WARS2: variants seen among roughly 807,000 people sequenced by gnomAD.
The protein encoded by WARS2 is tryptophanyl tRNA synthetase 2, mitochondrial.
Under a neutral mutation model 36.5 loss-of-function variants are expected in WARS2, and 28 were observed. The observed-to-expected ratio is 0.77, with a 90% CI of 0.57 to 1.05. WARS2 has a LOEUF of 1.05. Among genes scored for constraint, WARS2 ranks in the 50% least tolerant of loss-of-function variants. WARS2 has a pLI of 0.00. For missense variants in WARS2, 435 were observed against 456.8 expected, an observed-to-expected ratio of 0.95 and a Z score of 0.44; for synonymous variants, 174 against 178.4, an observed-to-expected ratio of 0.98 and a Z score of 0.20.
At position 119,092,655 on chromosome 1, in the gene WARS2, C is replaced by T. The variant is rs587600045; in HGVS notation, c.91-16048G>A. On this transcript the variant is annotated intron_variant, in intron 1 of 5. Transcript: ENST00000235521. ...CCAGATTCTGTTGGTTCAAATCCTG[C>T]CTCCTCCAATTACTAGCTATGTGAT... 2.4e-3 allele frequency among the ~76,000 whole-genome samples: 361 copies of T among 152,266 alleles called. 2 individuals are homozygous for T. Among genetic ancestry groups the T allele is most frequent in the African/African-American group, 8.4e-3 (350 of 41,552 alleles).
chr1:119,093,592 C>T (rs2101418979), intron 1 of WARS2, among the ~76,000 whole-genome samples: 1 of 151,870 alleles, frequency 6.6e-6, no homozygotes, highest in East Asian at 1.9e-4. Context: ...TCAAGAAAAT[C>T]CCAAGGATTG....
chr1:119,033,502 A>C (rs1647622609), intron 5 of WARS2, 143 bp from the exon 6 acceptor site: 1 of 1,005,554 alleles, frequency 9.9e-7, no homozygotes, highest in African/African-American at 1.6e-5. Flanking sequence ...TGTGATATCC[A>C]TTCAGTAGAA....
At chr1:119,065,434 C>A (rs1411508612) in intron 2 of WARS2, among the ~76,000 whole-genome samples, 1 of 151,810 alleles carries the variant, frequency 6.6e-6, no homozygotes, top group African/African-American at 2.4e-5. Flanking sequence ...GAGTTTGAGA[C>A]TAGCCTGGCC....
chr1:119,132,786 C>T (rs1330889221), intron 1 of WARS2, among the ~76,000 whole-genome samples: 1 of 152,004 alleles, frequency 6.6e-6, no homozygotes, highest in Non-Finnish European at 1.5e-5. Flanking sequence ...ATTTTAAAGC[C>T]TCATCACCAT....
At chr1:119,100,409 T>G (rs1653772481) in intron 1 of WARS2, among the ~76,000 whole-genome samples, 1 of 152,086 alleles carries the variant, frequency 6.6e-6, no homozygotes, top group African/African-American at 2.4e-5. Flanking sequence ...AAAAATAGAA[T>G]TACCATTTGA....
At chr1:119,034,245 C>G in intron 4 of WARS2, 32 bp from the exon 5 acceptor site, 1 of 1,559,278 alleles carries the variant, frequency 6.4e-7, no homozygotes, top group Non-Finnish European at 8.8e-7. Flanking sequence ...AAAACAACAG[C>G]AAGGCTCTTT....
chr1:119,131,270 G>A (rs946255592), intron 1 of WARS2, among the ~76,000 whole-genome samples: 1 of 152,058 alleles, frequency 6.6e-6, no homozygotes, highest in Admixed American at 6.5e-5. Flanking sequence ...TTTAAAGAAT[G>A]ATAGAGTACA....
chr1:119,079,678 T>C (rs1281494977), intron 1 of WARS2, among the ~76,000 whole-genome samples: 1 of 152,168 alleles, frequency 6.6e-6, no homozygotes, highest in East Asian at 1.9e-4. Context: ...CCCCAAGTAT[T>C]CCAAATCCTA....
chr1:119,097,522 T>G (rs1216710252), intron 1 of WARS2, among the ~76,000 whole-genome samples: 1 of 152,176 alleles, frequency 6.6e-6, no homozygotes, highest in Non-Finnish European at 1.5e-5. Flanking sequence ...CCTAACAAAT[T>G]TCAATATATC....
At chr1:119,070,263 T>C (rs1001234488) in intron 2 of WARS2, among the ~76,000 whole-genome samples, 1 of 151,914 alleles carries the variant, frequency 6.6e-6, no homozygotes, top group Non-Finnish European at 1.5e-5. Context: ...ACCTAACACA[T>C]TGTGTTTTTC....
At chr1:119,091,970 C>T (rs751600055) in intron 1 of WARS2, among the ~76,000 whole-genome samples, 12 of 152,168 alleles carry the variant, frequency 7.9e-5, no homozygotes, top group Admixed American at 2.6e-4. Flanking sequence ...AATTCACAGG[C>T]ATTTCTTTAT....
At chr1:119,128,438 C>G (rs759835900) in intron 1 of WARS2, among the ~76,000 whole-genome samples, 1 of 115,236 alleles carries the variant, frequency 8.7e-6, no homozygotes, top group Non-Finnish European at 1.9e-5. Flanking sequence ...TCTACACCCT[C>G]GGAATCCTTA....
rs185846875 is a variant in WARS2 at position 119,097,376 on chromosome 1, G to T, written c.91-20769C>A. 2.0e-5 allele frequency among the ~76,000 whole-genome samples: 3 copies of T among 152,184 alleles called. No individual in the cohort carries two copies. The East Asian group carries it at 5.8e-4, about 29-fold the overall frequency. On this transcript the variant is annotated intron_variant, in intron 1 of 5. Coordinates refer to ENST00000235521, the MANE Select transcript of WARS2 (RefSeq NM_015836.4). ...CCCACCGGCACTACTGGGTTAATAAGAATCAAGTCTACTTTTTCAGCCTTT... is the reference window on the plus strand; with the variant it reads ...CCCACCGGCACTACTGGGTTAATAATAATCAAGTCTACTTTTTCAGCCTTT...
rs1050933859 is a variant in WARS2, at chr1:119,032,255, T to G, written c.*656A>C. On this transcript the variant is annotated 3_prime_UTR_variant, in exon 6 of 6. Transcript: ENST00000235521. ...AATATAATTCAGGGACTTGGGCTCT[T>G]GTACAATAAATAAATCAGGTCAAAA... 2.8e-4 allele frequency: 42 copies of G among 152,302 alleles called. No individual in the cohort carries two copies. Among genetic ancestry groups the G allele is most frequent in the Middle Eastern group, 3.4e-3 (1 of 294 alleles). 9.4% of individuals were successfully genotyped at this position (152,302 alleles called of 1,614,324 possible).
At chr1:119,066,286 G>A (rs1345818728) in intron 2 of WARS2, among the ~76,000 whole-genome samples, 1 of 152,036 alleles carries the variant, frequency 6.6e-6, no homozygotes, top group Non-Finnish European at 1.5e-5. Flanking sequence ...GAACCATCCT[G>A]GCTAATACGG....
chr1:119,101,005 T>C (rs1653816785), intron 1 of WARS2, among the ~76,000 whole-genome samples: 2 of 152,056 alleles, frequency 1.3e-5, no homozygotes, highest in Non-Finnish European at 2.9e-5. Context: ...AGCTAAAATA[T>C]TTGATCATAT....
intron 1 of WARS2, chr1:119,127,150 G>C (rs771893956): frequency 1.3e-4 from 92 of 727,480 alleles, no homozygotes; most frequent in Non-Finnish European, 1.9e-4. Flanking sequence ...CTGGTGACTA[G>C]CATCTTTCCA....
intron 1 of WARS2, among the ~76,000 whole-genome samples, chr1:119,112,353 T>C (rs116408783): frequency 0.019 from 2,933 of 152,220 alleles, 90 homozygotes; most frequent in African/African-American, 0.067. Flanking sequence ...TAAAGAAAGA[T>C]GTAGAGCCAA....
chr1:119,046,707 C>G (rs551795602), intron 2 of WARS2, among the ~76,000 whole-genome samples: 1 of 151,880 alleles, frequency 6.6e-6, no homozygotes, highest in South Asian at 2.1e-4. Context: ...ACCTGATGAC[C>G]TAGAATTTAA....
Sources: allele counts gnomAD v4.1 joint callset (sites outside exome capture counted in the v4.1 genomes callset), GRCh38; gene constraint gnomAD v4.1.1; transcripts MANE v1.5; gene names NCBI Gene and HGNC (gene_info 2026-07-23, HGNC 2026-07-21).